Variants in SGCZ observed in about 807,000 individuals in gnomAD.
The protein encoded by SGCZ is zeta-sarcoglycan.
Under a neutral mutation model 41.3 loss-of-function variants are expected in SGCZ, and 40 were observed. The observed-to-expected ratio is 0.97, with a 90% CI of 0.75 to 1.26. SGCZ has a LOEUF of 1.26. Ranked by LOEUF, SGCZ falls within the 50% of genes most tolerant of loss-of-function variation. The pLI is 0.00. For missense variants in SGCZ, 552 were observed against 369.8 expected, an observed-to-expected ratio of 1.49 and a Z score of -4.04; for synonymous variants, 206 against 137.5, an observed-to-expected ratio of 1.50 and a Z score of -3.49.
intron 2 of SGCZ, among the ~76,000 whole-genome samples, chr8:14,363,969 A>G (rs1803614853): frequency 6.6e-6 from 1 of 152,124 alleles, no homozygotes; most frequent in Admixed American, 6.6e-5. Flanking sequence ...GTGCAGAAGT[A>G]ACATACTCCC....
intron 1 of SGCZ, among the ~76,000 whole-genome samples, chr8:14,836,863 T>C (rs1802717808): frequency 6.6e-6 from 1 of 152,206 alleles, no homozygotes; most frequent in Admixed American, 6.5e-5. Flanking sequence ...AAATATCTTA[T>C]GGCTACTACT....
At chr8:15,234,836 T>C (rs1187753401) in intron 1 of SGCZ, among the ~76,000 whole-genome samples, 1 of 152,182 alleles carries the variant, frequency 6.6e-6, no homozygotes, top group Non-Finnish European at 1.5e-5. Context: ...TCAGAATCTT[T>C]CTTTCTTAAA....
intron 1 of SGCZ, among the ~76,000 whole-genome samples, chr8:15,209,455 G>A (rs969552103): frequency 6.9e-6 from 1 of 144,304 alleles, no homozygotes; most frequent in African/African-American, 2.6e-5. Context: ...GAACAGCGAA[G>A]TTACGTGTCA....
intron 1 of SGCZ, among the ~76,000 whole-genome samples, chr8:14,834,347 A>G (rs981321029): frequency 3.5e-4 from 53 of 152,186 alleles, no homozygotes; most frequent in African/African-American, 1.2e-3. Flanking sequence ...TTATTTTGGT[A>G]ATTCATAATG....
chr8:14,614,190 G>C (rs1461605930), intron 1 of SGCZ, among the ~76,000 whole-genome samples: 1 of 152,214 alleles, frequency 6.6e-6, no homozygotes, highest in South Asian at 2.1e-4. Context: ...AAACTAATGA[G>C]ATAAACTTGA....
At chr8:14,678,032 C>G (rs562182428) in intron 1 of SGCZ, among the ~76,000 whole-genome samples, 142 of 152,150 alleles carry the variant, frequency 9.3e-4, no homozygotes, top group African/African-American at 2.7e-3. Context: ...GAATCCTTCA[C>G]AAAAATTAAT....
chr8:14,764,453 A>G (rs578070289), intron 1 of SGCZ, among the ~76,000 whole-genome samples: 17 of 152,212 alleles, frequency 1.1e-4, no homozygotes, highest in Middle Eastern at 3.2e-3. Context: ...ATAAACTGAC[A>G]TAATGTCTCT....
intron 1 of SGCZ, among the ~76,000 whole-genome samples, chr8:15,111,021 CAAT>C (rs537303896): frequency 7.2e-5 from 11 of 152,228 alleles, no homozygotes; most frequent in Admixed American, 2.6e-4. Flanking sequence ...GCATAACCAA[CAAT>C]GAGTCCTGCT....
Position 14,340,193 on chromosome 8 carries a change from C to T in SGCZ, c.235-15989G>A, listed in dbSNP as rs1467312293. 2.0e-5 allele frequency among the ~76,000 whole-genome samples: 3 copies of T among 151,922 alleles called. No individual in the cohort carries two copies. In the East Asian group the frequency reaches 5.8e-4, roughly 29 times the overall value. ...ATATAATATCATTTTTCTAAAGGTT[C>T]TTATTGTCATTAATGTATCCAGTTA... On this transcript the variant is annotated intron_variant, in intron 2 of 7. Coordinates refer to ENST00000382080, the MANE Select transcript of SGCZ (RefSeq NM_139167.4).
chr8:15,001,596 G>A (rs1802423127), intron 1 of SGCZ, among the ~76,000 whole-genome samples: 1 of 151,994 alleles, frequency 6.6e-6, no homozygotes, highest in African/African-American at 2.4e-5. Context: ...GGACATGTTG[G>A]TGGGCACCTG....
chr8:14,467,076 A>G (rs568521506), intron 2 of SGCZ, among the ~76,000 whole-genome samples: 1 of 151,434 alleles, frequency 6.6e-6, no homozygotes, highest in Non-Finnish European at 1.5e-5. Flanking sequence ...TTATTTATTT[A>G]TTTTTAATTC....
intron 2 of SGCZ, among the ~76,000 whole-genome samples, chr8:14,466,920 T>G (rs1801067013): frequency 6.6e-6 from 1 of 151,908 alleles, no homozygotes; most frequent in South Asian, 2.1e-4. Flanking sequence ...TATTAAAATC[T>G]TTGTCTCGTG....
At chr8:14,218,945 C>A (rs148500186) in intron 4 of SGCZ, among the ~76,000 whole-genome samples, 282 of 152,298 alleles carry the variant, frequency 1.9e-3, no homozygotes, top group Middle Eastern at 6.8e-3. Context: ...TACAGCTACA[C>A]GGAGAAATTG....
chr8:14,948,300 T>A (rs961723241), intron 1 of SGCZ, among the ~76,000 whole-genome samples: 2 of 152,116 alleles, frequency 1.3e-5, no homozygotes, highest in Non-Finnish European at 2.9e-5. Context: ...CTGGGTATTC[T>A]CTCTCTCCTA....
At chr8:14,720,735 G>A (rs34998243) in intron 1 of SGCZ, among the ~76,000 whole-genome samples, 44,924 of 151,800 alleles carry the variant, frequency 0.3, 7,137 homozygotes, top group East Asian at 0.43. Context: ...CATAGACCAC[G>A]TAAACTACCA....
At chr8:14,442,658 A>T (rs2117374018) in intron 2 of SGCZ, among the ~76,000 whole-genome samples, 1 of 152,228 alleles carries the variant, frequency 6.6e-6, no homozygotes, top group South Asian at 2.1e-4. Flanking sequence ...CTTTAATCCA[A>T]CCCAGTGATC....
At chr8:14,561,952 T>C (rs187560435) in intron 1 of SGCZ, among the ~76,000 whole-genome samples, 1 of 152,300 alleles carries the variant, frequency 6.6e-6, no homozygotes. Flanking sequence ...ACAGGGTTAG[T>C]TTGCTGGTAA....
chr8:14,640,616 A>G (rs555406123), intron 1 of SGCZ, among the ~76,000 whole-genome samples: 15 of 150,742 alleles, frequency 1.0e-4, no homozygotes, highest in Admixed American at 4.0e-4. Flanking sequence ...ACATATATAT[A>G]TACACACATA....
intron 1 of SGCZ, among the ~76,000 whole-genome samples, chr8:14,615,241 T>C (rs898904801): frequency 1.4e-4 from 21 of 152,208 alleles, no homozygotes; most frequent in Non-Finnish European, 4.4e-5. Context: ...AACTGCAATC[T>C]AACATAGTTT....
Sources: allele counts gnomAD v4.1 joint callset (sites outside exome capture counted in the v4.1 genomes callset), GRCh38; gene constraint gnomAD v4.1.1; transcripts MANE v1.5; gene names NCBI Gene and HGNC (gene_info 2026-07-23, HGNC 2026-07-21).